KLHL4: variants seen among roughly 807,000 people sequenced by gnomAD.
KLHL4 encodes kelch-like protein 4.
Under a neutral mutation model 45.8 loss-of-function variants are expected in KLHL4, and 17 were observed. The ratio of observed to expected loss-of-function variants is 0.37; its 90% CI spans 0.25 to 0.56. KLHL4 has a LOEUF of 0.56. Ranked by LOEUF, KLHL4 falls within the 20% of genes least tolerant of loss-of-function variation. KLHL4 has a pLI of 0.79. For synonymous variants in KLHL4, 224 were observed against 189.9 expected (o/e 1.18, Z -1.47); for missense variants, 544 against 544.9 (o/e 1.00, Z 0.02).
chrX:87,667,793 T>A lies in KLHL4; in HGVS notation c.*1259T>A. On this transcript the variant is annotated 3_prime_UTR_variant, in exon 11 of 11. Coordinates refer to ENST00000373119, the MANE Select transcript of KLHL4 (RefSeq NM_019117.5). ...AAGTTCTTTTAAACAGTCTTTTTAT[T>A]GTGGATTGTGAAATCAAAATCTGGA... The A allele has an allele frequency of 1.5e-6, 1 of 679,673 alleles. No homozygotes were observed. Among genetic ancestry groups the A allele is most frequent in the South Asian group, 7.6e-5 (1 of 13,132 alleles). 56.0% of individuals were successfully genotyped at this position (679,673 alleles called of 1,213,427 possible). A position where few individuals can be genotyped will look rare whatever the true frequency, so the allele number is the denominator to read the frequency against.
intron 9 of KLHL4, among the ~76,000 whole-genome samples, chrX:87,650,800 A>C: frequency 9.0e-6 from 1 of 111,704 alleles, no homozygotes; most frequent in Non-Finnish European, 1.9e-5. Flanking sequence ...TGTTTAATGG[A>C]CTCACAGTTC....
chrX:87,557,484 TC>T (rs1346592547), intron 1 of KLHL4, among the ~76,000 whole-genome samples: 1 of 111,898 alleles, frequency 8.9e-6, no homozygotes, highest in African/African-American at 3.2e-5. Flanking sequence ...AGACATCATT[TC>T]TTTTATGAAA....
At chrX:87,590,303 A>C (rs949547127) in intron 1 of KLHL4, among the ~76,000 whole-genome samples, 7 of 109,392 alleles carry the variant, frequency 6.4e-5, no homozygotes, top group Non-Finnish European at 1.1e-4. Flanking sequence ...AATCAGCCAA[A>C]CCCCCCCAGA....
intron 1 of KLHL4, among the ~76,000 whole-genome samples, chrX:87,555,090 C>G (rs1390586892): frequency 2.0e-4 from 20 of 98,195 alleles, no homozygotes; most frequent in African/African-American, 7.2e-4. Flanking sequence ...GGTGGATAAG[C>G]TTTTTGATGT....
intron 1 of KLHL4, among the ~76,000 whole-genome samples, chrX:87,524,195 T>G (rs1388803907): frequency 9.1e-6 from 1 of 110,146 alleles, no homozygotes; most frequent in African/African-American, 3.3e-5. Context: ...GTCTGACAAA[T>G]ATGAGCTTAG....
intron 1 of KLHL4, among the ~76,000 whole-genome samples, chrX:87,580,502 G>A (rs1373852276): frequency 9.0e-6 from 1 of 110,933 alleles, no homozygotes; most frequent in African/African-American, 3.3e-5. Flanking sequence ...ACACACACGG[G>A]CTGAAAGTGA....
At chrX:87,563,192 A>G (rs1479861285) in intron 1 of KLHL4, among the ~76,000 whole-genome samples, 2 of 110,755 alleles carry the variant, frequency 1.8e-5, no homozygotes, top group Non-Finnish European at 3.8e-5. Context: ...GAAGATCAGA[A>G]TAAATACTTA....
intron 1 of KLHL4, among the ~76,000 whole-genome samples, chrX:87,528,691 G>A (rs1316461021): frequency 5.5e-5 from 4 of 73,101 alleles, no homozygotes; most frequent in African/African-American, 2.3e-4. Context: ...ATTCCAGCCT[G>A]GTAACAAAGC....
chrX:87,538,997 A>G (rs1455596884), intron 1 of KLHL4, among the ~76,000 whole-genome samples: 2 of 111,893 alleles, frequency 1.8e-5, no homozygotes, highest in East Asian at 5.6e-4. Flanking sequence ...AATTTTATGA[A>G]TATTTATGGC....
chrX:87,550,219 C>A (rs1931781362), intron 1 of KLHL4, among the ~76,000 whole-genome samples: 1 of 110,802 alleles, frequency 9.0e-6, no homozygotes, highest in Non-Finnish European at 1.9e-5. Context: ...AAATTCAAAA[C>A]CTGAGCCGAC....
At chrX:87,548,897 A>G (rs1044468975) in intron 1 of KLHL4, among the ~76,000 whole-genome samples, 1 of 109,533 alleles carries the variant, frequency 9.1e-6, no homozygotes, top group Non-Finnish European at 1.9e-5. Context: ...CTAATAAGAA[A>G]ATGGCAGGAG....
chrX:87,611,848 A>G (rs1459635041), intron 1 of KLHL4, among the ~76,000 whole-genome samples: 1 of 111,232 alleles, frequency 9.0e-6, no homozygotes, highest in African/African-American at 3.3e-5. Flanking sequence ...CCACTGGGAC[A>G]AGAAGTGGAG....
chrX:87,638,956 G>A (rs933041071), intron 9 of KLHL4, among the ~76,000 whole-genome samples: 7 of 110,844 alleles, frequency 6.3e-5, no homozygotes, highest in Non-Finnish European at 1.1e-4. Context: ...AGACTCACCT[G>A]ACAAATAAGG....
At chrX:87,554,035 C>T (rs1048676427) in intron 1 of KLHL4, among the ~76,000 whole-genome samples, 15 of 105,165 alleles carry the variant, frequency 1.4e-4, no homozygotes, top group Admixed American at 9.5e-4. Context: ...TGTAGATATG[C>T]GGCATTATTT....
rs776172676 is a variant in KLHL4 at position 87,617,943 on chromosome X, T to G, written c.739T>G (p.Leu247Val). The G allele has an allele frequency of 1.7e-5, 20 of 1,206,359 alleles. No homozygotes were observed. The South Asian group carries it at 3.6e-4, about 21-fold the overall frequency. ...VQYAYTGVLQ[L>V]KEDTIESLLA... ...TTCAAACCATCTAGGAGTCCTGCAATTGAAAGAAGATACCATTGAAAGTTT... is the reference window on the plus strand; with the variant it reads ...TTCAAACCATCTAGGAGTCCTGCAAGTGAAAGAAGATACCATTGAAAGTTT... Residue 247 changes from leucine (L) to valine (V), a missense_variant, in exon 4 of 11, where the codon TTG (leucine) becomes GTG (valine). Transcript: ENST00000373119.
At chrX:87,536,353 A>G (rs1219717673) in intron 1 of KLHL4, among the ~76,000 whole-genome samples, 2 of 111,051 alleles carry the variant, frequency 1.8e-5, no homozygotes, top group South Asian at 3.8e-4. Flanking sequence ...TTACCTTGCA[A>G]TTTTTCTCTT....
chrX:87,635,185 A>G (rs1569358428), intron 8 of KLHL4, among the ~76,000 whole-genome samples: 1 of 111,920 alleles, frequency 8.9e-6, no homozygotes, highest in Non-Finnish European at 1.9e-5. Context: ...AGGTAGTTTA[A>G]CCCTGCTAAA....
At chrX:87,532,117 G>C (rs1321615269) in intron 1 of KLHL4, among the ~76,000 whole-genome samples, 1 of 109,910 alleles carries the variant, frequency 9.1e-6, no homozygotes, top group African/African-American at 3.3e-5. Flanking sequence ...TGTATAAGGT[G>C]TAAGGAAGGG....
At chrX:87,654,601 A>C (rs1923927763) in intron 9 of KLHL4, among the ~76,000 whole-genome samples, 1 of 111,787 alleles carries the variant, frequency 8.9e-6, no homozygotes, top group African/African-American at 3.3e-5. Context: ...GTGCTGCACT[A>C]AACCTATAAG....
Sources: allele counts gnomAD v4.1 joint callset (sites outside exome capture counted in the v4.1 genomes callset), GRCh38; gene constraint gnomAD v4.1.1; transcripts MANE v1.5; gene names NCBI Gene and HGNC (gene_info 2026-07-23, HGNC 2026-07-21).